The following AMZ1 variants were observed in gnomAD, a reference collection of about 807,000 sequenced individuals.
AMZ1 encodes archaelysin family metallopeptidase 1, also known as archaemetzincin-1.
AMZ1 carries 39 observed loss-of-function variants against 29.9 expected under a neutral mutation model. The ratio of observed to expected loss-of-function variants is 1.30; its 90% CI spans 1.01 to 1.70. AMZ1 has a LOEUF of 1.70. Ranked by LOEUF, AMZ1 falls within the 40% of genes most tolerant of loss-of-function variation. The pLI is 0.00. For missense variants in AMZ1, 1,041 were observed against 680.6 expected (o/e 1.53, Z -5.89); for synonymous variants, 458 against 304.0 (o/e 1.51, Z -5.27).
chr7:2,756,836 G>T (rs904389558), intron 4 of AMZ1, among the ~76,000 whole-genome samples: 2 of 152,214 alleles, frequency 1.3e-5, no homozygotes, highest in African/African-American at 4.8e-5. Flanking sequence ...GGTGGCTCAT[G>T]CCAAGGTGGG....
At chr7:2,720,671 G>A (rs972959850), downstream of AMZ1, among the ~76,000 whole-genome samples, 10 of 151,650 alleles carry the variant, frequency 6.6e-5, 1 homozygote, top group Admixed American at 4.6e-4. Flanking sequence ...AAAATGCTGG[G>A]ATTATAGGTG....
At position 2,700,766 on chromosome 7, in the gene AMZ1, C is replaced by G. The variant is rs746303742; in HGVS notation, c.304+11C>G. Reference sequence around the variant, plus strand: ...ACCTACAGCCGATAGGTACGGGACGCCTGCAGCCATCGGCACGCTCCTGGG... The same window carrying G: ...ACCTACAGCCGATAGGTACGGGACGGCTGCAGCCATCGGCACGCTCCTGGG... On this transcript the variant is annotated intron_variant, in intron 2 of 6. Transcript: ENST00000683327. The G allele has an allele frequency of 6.2e-7, 1 of 1,608,246 alleles. No individual in the cohort carries two copies. The highest frequency in any genetic ancestry group is 1.1e-5 in the South Asian group (1 of 90,988).
chr7:2,720,679 G>C (rs1302922784), downstream of AMZ1, among the ~76,000 whole-genome samples: 1 of 151,818 alleles, frequency 6.6e-6, no homozygotes, highest in Non-Finnish European at 1.5e-5. Context: ...GGGATTATAG[G>C]TGTGAGCCAC....
intron 4 of AMZ1, among the ~76,000 whole-genome samples, chr7:2,756,323 A>G (rs798497): frequency 0.25 from 38,010 of 152,146 alleles, 5,301 homozygotes; most frequent in Non-Finnish European, 0.29. Context: ...TCCTATATAA[A>G]TCTAATTCAA....
intron 4 of AMZ1, among the ~76,000 whole-genome samples, chr7:2,739,573 G>A (rs542574673): frequency 2.2e-4 from 34 of 152,250 alleles, no homozygotes; most frequent in African/African-American, 6.5e-4. Context: ...GTTTTTGGCC[G>A]TTGTGAACAG....
intron 5 of AMZ1, 87 bp downstream of exon 5, chr7:2,709,331 C>A: frequency 7.5e-7 from 1 of 1,334,952 alleles, no homozygotes; most frequent in Non-Finnish European, 9.9e-7. Context: ...CTGCCCCATC[C>A]TCACAGTGAA....
chr7:2,744,079 T>C (rs1172251739), intron 4 of AMZ1, among the ~76,000 whole-genome samples: 1 of 152,196 alleles, frequency 6.6e-6, no homozygotes, highest in African/African-American at 2.4e-5. Context: ...CCTCTGTAGG[T>C]TCCCCCTCTG....
Position 2,719,274 on chromosome 7 carries a change from G to A in AMZ1, c.*6396G>A, listed in dbSNP as rs1789313078. ...GCCGCCTCTCCCGCCTGCACCACTT[G>A]GAGGCAGTTGTTTCACGTGGGGCTC... On this transcript the variant is annotated 3_prime_UTR_variant, in exon 7 of 7. Transcript: ENST00000683327. Among the ~76,000 whole-genome samples, 1 of 152,220 alleles carries A rather than the reference G, an allele frequency of 6.6e-6. No individual in the cohort carries two copies. Among genetic ancestry groups the A allele is most frequent in the Non-Finnish European group, 1.5e-5 (1 of 68,040 alleles).
At chr7:2,694,000 C>A (rs966068079) in intron 1 of AMZ1, among the ~76,000 whole-genome samples, 1 of 152,220 alleles carries the variant, frequency 6.6e-6, no homozygotes, top group African/African-American at 2.4e-5. Flanking sequence ...TGTTGGAAAA[C>A]CCCCAGCACA....
chr7:2,739,736 C>A (rs184998891), intron 4 of AMZ1, among the ~76,000 whole-genome samples: 13 of 152,070 alleles, frequency 8.5e-5, no homozygotes, highest in African/African-American at 3.1e-4. Flanking sequence ...TGTAGTGGTG[C>A]GATCTTGGCT....
chr7:2,733,437 G>A (rs1790002615), intron 4 of AMZ1: 1 of 1,611,842 alleles, frequency 6.2e-7, no homozygotes, highest in African/African-American at 1.3e-5. Flanking sequence ...CTTCGGGCGG[G>A]CGTGCTTACT....
chr7:2,759,920 C>T (rs1374727850), upstream of AMZ1, among the ~76,000 whole-genome samples: 1 of 152,216 alleles, frequency 6.6e-6, no homozygotes, highest in Non-Finnish European at 1.5e-5. Flanking sequence ...TCCCTGCTTT[C>T]TGCCACCTGC....
upstream of AMZ1, among the ~76,000 whole-genome samples, chr7:2,685,611 T>G (rs6951523): frequency 0.013 from 2,024 of 150,076 alleles, 38 homozygotes; most frequent in African/African-American, 0.048. Flanking sequence ...TCCCAGCACT[T>G]TGGGAGGCCG....
upstream of AMZ1, chr7:2,762,744 G>A (rs1303099154): frequency 2.6e-6 from 4 of 1,554,136 alleles, no homozygotes; most frequent in Non-Finnish European, 3.5e-6. Flanking sequence ...CCCTCCCGCA[G>A]GAAGTGCACC....
In AMZ1 at chr7:2,681,507, C is replaced by T. The variant is rs1486616029; in HGVS notation, c.-219+1836C>T. Among the ~76,000 whole-genome samples, 7 of 152,150 alleles carry T rather than the reference C, an allele frequency of 4.6e-5. No homozygotes were observed. In the South Asian group the frequency reaches 6.2e-4, roughly 14 times the overall value. ...AACTCCAGGGCTCGAGAGATCCATCCGCCTTGCCCTCTCAAAGTGCTGGGA... is the reference window on the plus strand; with the variant it reads ...AACTCCAGGGCTCGAGAGATCCATCTGCCTTGCCCTCTCAAAGTGCTGGGA... On this transcript the variant is annotated intron_variant, in intron 1 of 6. Transcript: ENST00000312371.
At position 2,717,305 on chromosome 7, in the gene AMZ1, G is replaced by A. The variant is rs962578254; in HGVS notation, c.*4427G>A. On this transcript the variant is annotated 3_prime_UTR_variant, in exon 7 of 7. Coordinates refer to ENST00000683327, the MANE Select transcript of AMZ1 (RefSeq NM_001384743.1). ...CGGAGAGAATCAGGGCTTCGCGACG[G>A]GGCTCATAGACCTGAACTGGGTCTG... 2.6e-5 allele frequency among the ~76,000 whole-genome samples: 4 copies of A among 152,144 alleles called. No individual in the cohort carries two copies. The highest frequency in any genetic ancestry group is 2.9e-5 in the Non-Finnish European group (2 of 68,042).
chr7:2,721,379 G>A (rs1789413716), downstream of AMZ1, among the ~76,000 whole-genome samples: 1 of 152,226 alleles, frequency 6.6e-6, no homozygotes, highest in African/African-American at 2.4e-5. Context: ...GCCCGTGGAT[G>A]CGACGCATGC....
In AMZ1 at chr7:2,708,568, C is replaced by T. The variant is rs776251708; in HGVS notation, c.473-20C>T. ...TCCCCGGCTGCCTCCTGACCCCATCCTCTGGCCCTCTCCCCGCAGACGGCA... is the reference window on the plus strand; with the variant it reads ...TCCCCGGCTGCCTCCTGACCCCATCTTCTGGCCCTCTCCCCGCAGACGGCA... On this transcript the variant is annotated intron_variant, in intron 3 of 6. Transcript: ENST00000683327. 2.5e-6 allele frequency: 4 copies of T among 1,611,230 alleles called. No individual in the cohort carries two copies. Among genetic ancestry groups the T allele is most frequent in the South Asian group, 1.1e-5 (1 of 91,068 alleles).
chr7:2,742,383 G>A (rs1255766326), intron 4 of AMZ1, among the ~76,000 whole-genome samples: 1 of 152,154 alleles, frequency 6.6e-6, no homozygotes, highest in Non-Finnish European at 1.5e-5. Flanking sequence ...TGTCTCCAGT[G>A]TTTAACATGA....
Sources: allele counts gnomAD v4.1 joint callset (sites outside exome capture counted in the v4.1 genomes callset), GRCh38; gene constraint gnomAD v4.1.1; transcripts MANE v1.5; gene names NCBI Gene and HGNC (gene_info 2026-07-23, HGNC 2026-07-21).